The following SPATC1 variants were observed in gnomAD, a reference collection of about 807,000 sequenced individuals.
The protein encoded by SPATC1 is spermatogenesis and centriole associated 1.
A neutral mutation model predicts 36.5 loss-of-function variants in SPATC1; 35 were observed. The ratio of observed to expected loss-of-function variants is 0.96; its 90% CI spans 0.73 to 1.27. SPATC1 has a LOEUF of 1.27. SPATC1 is among the 50% of genes most tolerant of loss of function. The probability of loss-of-function intolerance (pLI) is 0.00; values close to 1 mark genes in which losing one functional copy is unlikely to be tolerated. For synonymous variants in SPATC1, 361 were observed against 353.6 expected (o/e 1.02, Z -0.24); for missense variants, 779 against 796.0 (o/e 0.98, Z 0.26).
chr8:144,019,386 T>G (rs1469041608), intron 1 of SPATC1, among the ~76,000 whole-genome samples: 1 of 152,228 alleles, frequency 6.6e-6, no homozygotes, highest in African/African-American at 2.4e-5. Flanking sequence ...CAGAGTGATC[T>G]CTGCCCAAGA....
intron 1 of SPATC1, among the ~76,000 whole-genome samples, chr8:144,020,444 A>G (rs1200708357): frequency 1.4e-5 from 2 of 146,822 alleles, no homozygotes; most frequent in Non-Finnish European, 3.0e-5. Flanking sequence ...CTCTTCTCTC[A>G]GGACCACCTT....
intron 4 of SPATC1, among the ~76,000 whole-genome samples, chr8:144,044,279 C>T (rs531933014): frequency 6.6e-4 from 99 of 150,520 alleles, no homozygotes; most frequent in African/African-American, 2.3e-3. Flanking sequence ...TCTTGGATGC[C>T]CTGCCTTCCC....
Position 144,041,448 on chromosome 8 carries a change from A to G in SPATC1, c.1446+77A>G, listed in dbSNP as rs1554756084. ...GCCGTGGGGACCCTGCACTCTGGCCAGGCCAAACTTGCCAGGACCTGAGGA... is the reference window on the plus strand; with the variant it reads ...GCCGTGGGGACCCTGCACTCTGGCCGGGCCAAACTTGCCAGGACCTGAGGA... On this transcript the variant is annotated intron_variant, in intron 4 of 4. Transcript: ENST00000377470. 1.9e-6 allele frequency: 3 copies of G among 1,553,124 alleles called. No homozygotes were observed. In the Admixed American group the frequency reaches 5.4e-5, roughly 28 times the overall value.
At chr8:144,024,070 T>C (rs1374651427) in intron 1 of SPATC1, among the ~76,000 whole-genome samples, 1,499 of 10,842 alleles carry the variant, frequency 0.14, no homozygotes, top group South Asian at 0.22. Context: ...CTCAGGACCC[T>C]CTTCTCTGAG....
At chr8:144,020,548 C>T (rs1213908460) in intron 1 of SPATC1, among the ~76,000 whole-genome samples, 5 of 147,866 alleles carry the variant, frequency 3.4e-5, no homozygotes, top group Non-Finnish European at 7.5e-5. Flanking sequence ...TCAGGACCCT[C>T]TTCCTTCAGT....
Position 144,012,472 on chromosome 8 carries a change from G to A in SPATC1, c.-44G>A, listed in dbSNP as rs578182923. The A allele has an allele frequency of 1.3e-6, 2 of 1,528,828 alleles. No homozygotes were observed. Among genetic ancestry groups the A allele is most frequent in the South Asian group, 2.4e-5 (2 of 83,628 alleles). 94.7% of individuals were successfully genotyped at this position (1,528,828 alleles called of 1,614,324 possible). A position where few individuals can be genotyped will look rare whatever the true frequency, so the allele number is the denominator to read the frequency against. On this transcript the variant is annotated 5_prime_UTR_variant, in exon 1 of 5. Transcript: ENST00000377470. ...CTGGGGCCCTGGGCAGCCTCCAGGT[G>A]CAGTGCCCTCCCGTGGGCCGCACCC...
At chr8:144,044,324 T>C (rs1330528572) in intron 4 of SPATC1, among the ~76,000 whole-genome samples, 8 of 149,020 alleles carry the variant, frequency 5.4e-5, no homozygotes, top group African/African-American at 1.3e-4. Flanking sequence ...TTTTTTGAGA[T>C]GGAGTCTCGC....
chr8:144,028,881 A>G (rs1564271979), intron 1 of SPATC1, among the ~76,000 whole-genome samples: 1 of 152,160 alleles, frequency 6.6e-6, no homozygotes, highest in African/African-American at 2.4e-5. Flanking sequence ...ATAAAAAGGG[A>G]TAAGATCATG....
Position 144,016,047 on chromosome 8 carries a change from CTTTTGAG to C in SPATC1, c.211+3322_211+3328del, listed in dbSNP as rs1403716643. On this transcript the variant is annotated intron_variant, in intron 1 of 4. Transcript: ENST00000377470. This position sits in a 1 kb window ranked among gnomAD's most constrained non-coding sequence, Gnocchi z 4.5. ...ACTGCACTCCAGCCTGGGCTGGAGA[CTTTTGAG>C]ACTCTGTCTCAAAAAAAAAAAAAAG... Among the ~76,000 whole-genome samples, 36 of 133,524 alleles carry C rather than the reference CTTTTGAG, an allele frequency of 2.7e-4. No homozygotes were observed. The highest frequency in any genetic ancestry group is 1.1e-3 in the African/African-American group (36 of 34,272). 87.6% of individuals were successfully genotyped at this position (133,524 alleles called of 152,430 possible).
intron 1 of SPATC1, among the ~76,000 whole-genome samples, chr8:144,038,717 G>T (rs569644249): frequency 6.6e-6 from 1 of 152,168 alleles, no homozygotes; most frequent in African/African-American, 2.4e-5. Context: ...TCAGGCGGTT[G>T]AATTTTACAT....
rs370002273 is a variant in SPATC1 at position 144,012,736 on chromosome 8, C to T, written c.211+10C>T. 68 of 1,551,434 alleles carry T rather than the reference C, an allele frequency of 4.4e-5. 1 individual carries two copies. The African/African-American group carries it at 7.7e-4, about 17-fold the overall frequency. On this transcript the variant is annotated intron_variant, in intron 1 of 4. Transcript: ENST00000377470. ...TCACGCCAGAACAATGGTAAGAGGC[C>T]TCGCTCCCAAGAGAGTGAGGAGGGA...
chr8:144,011,144 A>G (rs2133087205), upstream of SPATC1, among the ~76,000 whole-genome samples: 1 of 152,200 alleles, frequency 6.6e-6, no homozygotes, highest in Middle Eastern at 3.4e-3. This position sits in a 1 kb window ranked among gnomAD's most constrained non-coding sequence, Gnocchi z 4.5. Context: ...AAATTGACAC[A>G]TAAAATGTAA....
intron 1 of SPATC1, among the ~76,000 whole-genome samples, chr8:144,019,714 C>T (rs1358415586): frequency 6.6e-6 from 1 of 152,040 alleles, no homozygotes; most frequent in Non-Finnish European, 1.5e-5. Flanking sequence ...TCAGACCTGG[C>T]TCCTCCACAC....
At chr8:144,019,237 G>A (rs1191478606) in intron 1 of SPATC1, among the ~76,000 whole-genome samples, 3 of 152,174 alleles carry the variant, frequency 2.0e-5, no homozygotes, top group East Asian at 3.9e-4. Context: ...AGGCAGTGCC[G>A]AGGATGGCTC....
chr8:144,035,432 C>T (rs1458513668), intron 1 of SPATC1, among the ~76,000 whole-genome samples: 3 of 152,246 alleles, frequency 2.0e-5, no homozygotes, highest in Non-Finnish European at 4.4e-5. Context: ...CCATCTGTGT[C>T]GGCGCCATTG....
At position 144,012,424 on chromosome 8, in the gene SPATC1, C is replaced by T. The variant is rs576211315; in HGVS notation, c.-92C>T. The T allele has an allele frequency of 7.8e-6, 9 of 1,150,310 alleles. No homozygotes were observed. The highest frequency in any genetic ancestry group is 1.1e-5 in the Non-Finnish European group (9 of 792,476). The allele number at this position is 1,150,310 out of a possible 1,614,324, so 71.3% of individuals were successfully genotyped here. On this transcript the variant is annotated 5_prime_UTR_variant, in exon 1 of 5. Coordinates refer to ENST00000377470, the MANE Select transcript of SPATC1 (RefSeq NM_198572.3). The stretch of plus-strand genomic sequence containing the variant: ...CTGGGCCAGCCTTGCAGACTCTGCA[C>T]CCTCCTTCAGCCCAGGCAAGGCCTG...
At chr8:144,014,461 C>G (rs1325296667) in intron 1 of SPATC1, among the ~76,000 whole-genome samples, 1 of 149,388 alleles carries the variant, frequency 6.7e-6, no homozygotes, top group African/African-American at 2.5e-5. Context: ...GAAAATAAAA[C>G]AAAAGAAAAG....
intron 4 of SPATC1, chr8:144,042,075 A>C: frequency 1.1e-6 from 1 of 907,124 alleles, no homozygotes; most frequent in Non-Finnish European, 1.3e-6. Context: ...CACCTGAAAA[A>C]GAAAAAGAGT....
chr8:144,037,549 G>C (rs1191911739), intron 1 of SPATC1, among the ~76,000 whole-genome samples: 1 of 152,070 alleles, frequency 6.6e-6, no homozygotes, highest in Non-Finnish European at 1.5e-5. Context: ...TGTCCACTCA[G>C]GGTTGAATGG....
Sources: allele counts gnomAD v4.1 joint callset (sites outside exome capture counted in the v4.1 genomes callset), GRCh38; gene constraint gnomAD v4.1.1; non-coding constraint Gnocchi (gnomAD v3.1); transcripts MANE v1.5; gene names NCBI Gene and HGNC (gene_info 2026-07-23, HGNC 2026-07-21).